Variants in SREBF2 observed in about 807,000 individuals in gnomAD.
SREBF2 encodes the protein sterol regulatory element binding transcription factor 2, also known as sterol regulatory element-binding protein 2.
In SREBF2, 55 loss-of-function variants were observed where a neutral mutation model predicts 113.1. The observed-to-expected ratio is 0.49, with a 90% confidence interval of 0.39 to 0.61. The LOEUF is 0.61. Ranked by LOEUF, SREBF2 falls within the 20% of genes least tolerant of loss-of-function variation. SREBF2 has a pLI of 0.00. For missense variants in SREBF2, 1,349 were observed against 1,487.4 expected, an observed-to-expected ratio of 0.91 and a Z score of 1.53; for synonymous variants, 593 against 605.7, an observed-to-expected ratio of 0.98 and a Z score of 0.31.
chr22:41,865,968 C>T (rs534805099), intron 1 of SREBF2, among the ~76,000 whole-genome samples: 1 of 152,280 alleles, frequency 6.6e-6, no homozygotes, highest in South Asian at 2.1e-4. Context: ...TTGGTTGTCC[C>T]TGAGTGTTTC....
chr22:41,877,872 G>C (rs994458663), intron 8 of SREBF2, 70 bp from the exon 9 acceptor site: 3 of 1,505,148 alleles, frequency 2.0e-6, no homozygotes, highest in Non-Finnish European at 2.8e-6. Flanking sequence ...GATAGTGCTG[G>C]GGTCTGTCAG....
chr22:41,851,253 A>G (rs1409145778), intron 1 of SREBF2, among the ~76,000 whole-genome samples: 1 of 152,048 alleles, frequency 6.6e-6, no homozygotes, highest in Non-Finnish European at 1.5e-5. Flanking sequence ...TAGCTTTGTC[A>G]CTTCATTGGT....
In SREBF2 at chr22:41,904,918, C is replaced by T; in HGVS notation, c.3149C>T (p.Thr1050Ile). 2.5e-6 allele frequency: 4 copies of T among 1,606,316 alleles called. No individual in the cohort carries two copies. Among genetic ancestry groups the T allele is most frequent in the Non-Finnish European group, 3.4e-6 (4 of 1,178,914 alleles). Residue 1050 changes from threonine (T) to isoleucine (I), a missense_variant, in exon 18 of 19, where the codon ACC becomes ATC. Thr to Ile is a moderately conservative substitution (Grantham distance 89). Transcript: ENST00000361204. ...ATGGCAGGAGCCAGCCCCACCCGCACCCACCAGCTGCTGGAACACAGCCTG... is the reference window on the plus strand; with the variant it reads ...ATGGCAGGAGCCAGCCCCACCCGCATCCACCAGCTGCTGGAACACAGCCTG... ...RLMAGASPTR[T>I]HQLLEHSLRR...
intron 8 of SREBF2, 76 bp from the exon 9 acceptor site, chr22:41,877,866 G>A (rs1381144777): frequency 5.5e-5 from 81 of 1,470,834 alleles, no homozygotes; most frequent in Non-Finnish European, 7.3e-5. Flanking sequence ...TCCTGTGATA[G>A]TGCTGGGGTC....
intron 3 of SREBF2, among the ~76,000 whole-genome samples, chr22:41,869,293 C>CA (rs2077116538): frequency 1.8e-5 from 2 of 112,386 alleles, no homozygotes; most frequent in East Asian, 2.8e-4. Flanking sequence ...TTAGTAGAGA[C>CA]GGGATGTTGG....
intron 17 of SREBF2, among the ~76,000 whole-genome samples, chr22:41,904,105 T>A (rs1252429864): frequency 6.6e-6 from 1 of 152,132 alleles, no homozygotes; most frequent in Non-Finnish European, 1.5e-5. Context: ...CTCAAACCCC[T>A]AGCCTCAAGC....
At chr22:41,904,731 G>C (rs2077491406) in intron 17 of SREBF2, 132 bp from the exon 18 acceptor site, 1 of 779,288 alleles carries the variant, frequency 1.3e-6, no homozygotes, top group Admixed American at 2.0e-5. Flanking sequence ...TGCTTTTCAG[G>C]GGTGAGCAAG....
intron 1 of SREBF2, among the ~76,000 whole-genome samples, chr22:41,836,877 G>T (rs766417572): frequency 1.3e-5 from 2 of 152,168 alleles, no homozygotes; most frequent in South Asian, 2.1e-4. Context: ...TCCAGGAGGT[G>T]CAGGCAGGCA....
rs1373467967 is a variant in SREBF2 at position 41,868,639 on chromosome 22, G to T, written c.567G>T (p.Val189=). ...QVLQPQVQSL[V]TSSQVQPVTI... ...TTCAGCCTCAAGTCCAAAGCCTGGT[G>T]ACATCCTCCCAGGTACAGCCGGTCA... Residue 189 remains valine, a synonymous_variant, in exon 3 of 19, where the codon GTG becomes GTT. Transcript: ENST00000361204. 1.2e-6 allele frequency: 2 copies of T among 1,614,062 alleles called. No homozygotes were observed. Among genetic ancestry groups the T allele is most frequent in the African/African-American group, 2.7e-5 (2 of 74,916 alleles).
intron 1 of SREBF2, among the ~76,000 whole-genome samples, chr22:41,841,271 T>G (rs184983878): frequency 3.2e-4 from 49 of 152,330 alleles, no homozygotes; most frequent in African/African-American, 1.2e-3. Flanking sequence ...TTTCATCCCT[T>G]TTGTACCTTT....
chr22:41,896,034 C>T (rs941195203), intron 13 of SREBF2, among the ~76,000 whole-genome samples: 2 of 151,702 alleles, frequency 1.3e-5, no homozygotes, highest in Admixed American at 6.6e-5. Context: ...CCAGCTATTC[C>T]GGAGGCTGAG....
Position 41,866,926 on chromosome 22 carries a change from AGCAGCAGCGGCAGCAGTG to A in SREBF2, c.193_210del (p.Gly65_Ser70del), listed in dbSNP as rs1556040058. On this transcript the variant is annotated inframe_deletion, in exon 2 of 19. Transcript: ENST00000361204. ...CTTTCCTGGCAGTGGTGGTAGTGGT[AGCAGCAGCGGCAGCAGTG>A]GCAGCAGCAGCAGCAGCAGCAATGG... The A allele has an allele frequency of 6.2e-7, 1 of 1,613,944 alleles. No homozygotes were observed.
intron 11 of SREBF2, among the ~76,000 whole-genome samples, chr22:41,887,726 G>A (rs2148405003): frequency 6.6e-6 from 1 of 152,300 alleles, no homozygotes; most frequent in Non-Finnish European, 1.5e-5. Context: ...TTTAGGAATG[G>A]CATCGCTGGG....
At chr22:41,893,970 G>A (rs2077388140) in intron 12 of SREBF2, among the ~76,000 whole-genome samples, 1 of 152,198 alleles carries the variant, frequency 6.6e-6, no homozygotes, top group African/African-American at 2.4e-5. Flanking sequence ...AGGGGTGTGT[G>A]TCACACATTG....
rs768889483 is a variant in SREBF2, at chr22:41,898,730, G to A, written c.2687G>A (p.Arg896His). Reference sequence around the variant, plus strand: ...CTCCAGGGAGACGATGCAGCTGTGCGCTCTCATTTTACCAAAGTGGAACGC... The same window carrying A: ...CTCCAGGGAGACGATGCAGCTGTGCACTCTCATTTTACCAAAGTGGAACGC... ...SWLQGDDAAV[R>H]SHFTKVERIP... is the part of the protein sequence containing the mutation. Residue 896 changes from arginine to histidine, a missense_variant, in exon 15 of 19, where the codon CGC becomes CAC. Physicochemically the swap from Arg to His is conservative, Grantham distance 29 (BLOSUM62 0). Transcript: ENST00000361204. 21 of 1,613,994 alleles carry A rather than the reference G, an allele frequency of 1.3e-5. No individual in the cohort carries two copies. The highest frequency in any genetic ancestry group is 1.1e-4 in the African/African-American group (8 of 74,908).
chr22:41,905,111 GC>G, intron 18 of SREBF2, 137 bp downstream of exon 18: 2 of 862,310 alleles, frequency 2.3e-6, no homozygotes, highest in South Asian at 1.6e-5. Context: ...AATGAAAGAA[GC>G]CCGAGGCCGC....
intron 1 of SREBF2, among the ~76,000 whole-genome samples, chr22:41,848,216 G>C (rs755742235): frequency 2.9e-4 from 44 of 152,062 alleles, no homozygotes; most frequent in Middle Eastern, 6.8e-3. Flanking sequence ...TCGTCATCTA[G>C]CATTAGGTAT....
In SREBF2 at chr22:41,871,016, C is replaced by G; in HGVS notation, c.848C>G (p.Thr283Arg). The G allele has an allele frequency of 6.2e-7, 1 of 1,614,074 alleles. No individual in the cohort carries two copies. ...ALTALTTPIQ[T>R]AALQVPTLVG... ...ACCGCCCTCACCACCCCTATCCAGA[C>G]GGCTGCCCTTCAAGTACCAGTAAGA... The change falls in exon 4 of 19, where the codon ACG (threonine) becomes AGG (arginine). Residue 283 changes from threonine to arginine, a missense_variant. Around this residue, in one of 2 missense-constraint regions of SREBF2, gnomAD observed 699 missense variants for 843.3 expected, o/e 0.83. Coordinates refer to ENST00000361204, the MANE Select transcript of SREBF2 (RefSeq NM_004599.4).
At chr22:41,875,494 G>A in intron 6 of SREBF2, 43 bp downstream of exon 6, 2 of 1,614,216 alleles carry the variant, frequency 1.2e-6, no homozygotes, top group African/African-American at 1.3e-5. Flanking sequence ...GGCCCAGGTG[G>A]GGCTTTGTAA....
Sources: gnomAD v4.1 joint callset for allele counts (sites outside exome capture counted in the v4.1 genomes callset) on GRCh38, gnomAD v4.1.1 for gene constraint, gnomAD v4.1.1 regional missense constraint, MANE v1.5 for transcripts, NCBI Gene and HGNC (gene_info 2026-07-23, HGNC 2026-07-21) for gene names.